GPD2: variants seen among roughly 807,000 people sequenced by gnomAD.
GPD2 encodes the protein glycerol-3-phosphate dehydrogenase 2.
Under a neutral mutation model 82.4 loss-of-function variants are expected in GPD2, and 54 were observed. That is an observed-to-expected ratio of 0.66 (90% CI 0.53 to 0.82). The LOEUF (loss-of-function observed/expected upper bound fraction) is 0.82. Among genes scored for constraint, GPD2 ranks in the 40% least tolerant of loss-of-function variants. GPD2 has a pLI of 0.00. For synonymous variants in GPD2, 288 were observed against 306.1 expected, an observed-to-expected ratio of 0.94 and a Z score of 0.62; for missense variants, 748 against 896.2, an observed-to-expected ratio of 0.83 and a Z score of 2.11.
rs751076393 is a variant in GPD2, at chr2:156,496,206, G to A, written c.265G>A (p.Val89Ile). Residue 89 changes from valine (V) to isoleucine (I), a missense_variant, in exon 3 of 17, where the codon GTC becomes ATC. Physicochemically the swap from Val to Ile is conservative, Grantham distance 29. Coordinates refer to ENST00000438166, the MANE Select transcript of GPD2 (RefSeq NM_000408.5). ...ATGSGCALDA[V>I]TRGLKTALVE... ...AGGAAGTGGCTGTGCGCTAGATGCT[G>A]TCACCAGAGGTAAGTCTTTTTTTTT... The A allele has an allele frequency of 2.6e-5, 41 of 1,604,578 alleles. 1 individual carries two copies. In the South Asian group the frequency reaches 4.3e-4, roughly 17 times the overall value.
rs936411977 is a variant in GPD2, at chr2:156,570,143, G to C, written c.1533G>C (p.Met511Ile). ...YGDKAFEVAK[M>I]ASVTGKRWPI... is the part of the protein sequence containing the mutation. ...ATAAGGCCTTTGAGGTGGCCAAAATGGCAAGTGTGACTGGCAAAAGGTGGC... is the reference window on the plus strand; with the variant it reads ...ATAAGGCCTTTGAGGTGGCCAAAATCGCAAGTGTGACTGGCAAAAGGTGGC... Residue 511 changes from methionine (M) to isoleucine (I), a missense_variant, in exon 12 of 17, where the codon ATG (methionine) becomes ATC (isoleucine). Met to Ile is a conservative substitution (Grantham distance 10). Around this residue, in one of 3 missense-constraint regions of GPD2, gnomAD observed 692 missense variants for 809.7 expected, o/e 0.85. Transcript: ENST00000438166. The C allele has an allele frequency of 1.2e-5, 20 of 1,612,266 alleles. No homozygotes were observed. Among genetic ancestry groups the C allele is most frequent in the Non-Finnish European group, 1.7e-5 (20 of 1,179,078 alleles).
chr2:156,517,175 C>T (rs1488426782), intron 6 of GPD2, among the ~76,000 whole-genome samples: 2 of 152,044 alleles, frequency 1.3e-5, no homozygotes, highest in Non-Finnish European at 2.9e-5. Flanking sequence ...ACAGGCTGGT[C>T]TTGAACTCCT....
chr2:156,568,735 T>G (rs756317840), intron 9 of GPD2, 90 bp from the exon 10 acceptor site: 9 of 1,140,186 alleles, frequency 7.9e-6, no homozygotes, highest in Non-Finnish European at 1.2e-5. Context: ...TGTGTATTCC[T>G]GTCACCGAAC....
the GPD2 span, among the ~76,000 whole-genome samples, chr2:156,409,182 G>C: frequency 6.6e-6 from 1 of 152,144 alleles, no homozygotes; most frequent in Non-Finnish European, 1.5e-5. Flanking sequence ...CCAAAACTGA[G>C]ACAATAAATT....
intron 6 of GPD2, among the ~76,000 whole-genome samples, chr2:156,521,556 T>G (rs1685409394): frequency 6.6e-6 from 1 of 152,200 alleles, no homozygotes; most frequent in African/African-American, 2.4e-5. Context: ...CCACCAAATT[T>G]CTACTTTTTG....
the GPD2 span, among the ~76,000 whole-genome samples, chr2:156,425,851 TG>T: frequency 6.6e-6 from 1 of 152,030 alleles, no homozygotes; most frequent in Middle Eastern, 3.2e-3. Flanking sequence ...AGTCCGGGTG[TG>T]TGATAAAAGC....
At chr2:156,535,124 C>G (rs541294397) in intron 6 of GPD2, among the ~76,000 whole-genome samples, 1 of 151,838 alleles carries the variant, frequency 6.6e-6, no homozygotes, top group East Asian at 1.9e-4. Flanking sequence ...CAAGGTATGC[C>G]AGGATGAGGA....
intron 6 of GPD2, among the ~76,000 whole-genome samples, chr2:156,517,524 T>G (rs1318644864): frequency 6.6e-6 from 1 of 152,216 alleles, no homozygotes; most frequent in African/African-American, 2.4e-5. Flanking sequence ...TATAGTCAAC[T>G]CACTGGTTTT....
rs1011106880 is a variant in GPD2, at chr2:156,579,029, CTCTT to C, written c.1880+30_1880+33del. On this transcript the variant is annotated intron_variant, in intron 14 of 16. Transcript: ENST00000438166. ...ACTTATAATAAGTGTCTATCTATCT[CTCTT>C]TTTTTTTGGCCTATGTAAGTATATT... 3.9e-6 allele frequency: 6 copies of C among 1,555,546 alleles called. No individual in the cohort carries two copies. The African/African-American group carries it at 4.1e-5, about 11-fold the overall frequency.
chr2:156,488,677 C>G (rs1483785924), intron 2 of GPD2, among the ~76,000 whole-genome samples: 1 of 151,464 alleles, frequency 6.6e-6, no homozygotes. Flanking sequence ...TGATCTCATT[C>G]TGAATCCTGT....
At chr2:156,498,475 G>C (rs1408243207) in intron 3 of GPD2, among the ~76,000 whole-genome samples, 1 of 152,188 alleles carries the variant, frequency 6.6e-6, no homozygotes, top group Non-Finnish European at 1.5e-5. Flanking sequence ...AAGTGTTCCA[G>C]TCTGAGAAAA....
intron 6 of GPD2, among the ~76,000 whole-genome samples, chr2:156,526,169 C>T (rs1455766212): frequency 1.3e-5 from 2 of 152,130 alleles, no homozygotes; most frequent in African/African-American, 2.4e-5. Context: ...ATGTTAACTG[C>T]TTAGATCAAA....
At chr2:156,440,632 A>T (rs1682136055) in intron 1 of GPD2, among the ~76,000 whole-genome samples, 1 of 152,112 alleles carries the variant, frequency 6.6e-6, no homozygotes. Context: ...TCAGTAGAGA[A>T]TTTTATGTTC....
At chr2:156,550,505 TCAC>T in intron 7 of GPD2, 94 bp from the exon 8 acceptor site, 1 of 1,264,306 alleles carries the variant, frequency 7.9e-7, no homozygotes, top group South Asian at 1.2e-5. Flanking sequence ...GCAGTATACT[TCAC>T]CATGGGTTAA....
Position 156,496,045 on chromosome 2 carries a change from T to G in GPD2, c.104T>G (p.Met35Arg). 1.2e-6 allele frequency: 2 copies of G among 1,610,740 alleles called. No individual in the cohort carries two copies. The highest frequency in any genetic ancestry group is 1.7e-6 in the Non-Finnish European group (2 of 1,177,558). ...GAAAGTGATCTGCTTTTACATCAGA[T>G]GAACCTGGCCTATGTTAAAGCAGCA... Reference protein sequence around the residue: ...SQFAHYRRKQMNLAYVKAADC... With the variant: ...SQFAHYRRKQRNLAYVKAADC... The change falls in exon 3 of 17, where the codon ATG becomes AGG. Residue 35 changes from methionine to arginine, a missense_variant and splice_region_variant. Around this residue, in one of 3 missense-constraint regions of GPD2, gnomAD observed 692 missense variants for 809.7 expected, o/e 0.85. Coordinates refer to ENST00000438166, the MANE Select transcript of GPD2 (RefSeq NM_000408.5).
At chr2:156,432,184 G>A (rs1457985406), upstream of GPD2, among the ~76,000 whole-genome samples, 2 of 152,142 alleles carry the variant, frequency 1.3e-5, no homozygotes, top group East Asian at 3.9e-4. Flanking sequence ...CAACGTGCCC[G>A]GCCAGTATCT....
intron 1 of GPD2, among the ~76,000 whole-genome samples, chr2:156,473,825 A>C (rs1683414056): frequency 6.6e-6 from 1 of 152,166 alleles, no homozygotes; most frequent in South Asian, 2.1e-4. Context: ...GTACCTGCTA[A>C]GTTAGGGTTT....
At chr2:156,486,386 G>A in intron 2 of GPD2, among the ~76,000 whole-genome samples, 1 of 152,254 alleles carries the variant, frequency 6.6e-6, no homozygotes, top group East Asian at 1.9e-4. Context: ...ACTGAGCTAT[G>A]ATTAACGTTG....
chr2:156,461,469 C>T (rs1682985772), intron 1 of GPD2, among the ~76,000 whole-genome samples: 1 of 152,182 alleles, frequency 6.6e-6, no homozygotes, highest in South Asian at 2.1e-4. Context: ...GGCTCCAACT[C>T]CTGTGCTCAA....
Sources: gnomAD v4.1 joint callset for allele counts (sites outside exome capture counted in the v4.1 genomes callset) on GRCh38, gnomAD v4.1.1 for gene constraint, gnomAD v4.1.1 regional missense constraint, MANE v1.5 for transcripts, NCBI Gene and HGNC (gene_info 2026-07-23, HGNC 2026-07-21) for gene names.